Variants in ARSG observed in about 807,000 individuals in gnomAD.
The protein encoded by ARSG is ASG.
ARSG carries 37 observed loss-of-function variants against 50.5 expected under a neutral mutation model. That is an observed-to-expected ratio of 0.73 (90% CI 0.56 to 0.96). The LOEUF (loss-of-function observed/expected upper bound fraction) is 0.96. ARSG is among the 50% of genes least tolerant of loss of function. The pLI, the probability that ARSG is intolerant of heterozygous loss-of-function variation, is 0.00. For missense variants in ARSG, 629 were observed against 675.3 expected, an observed-to-expected ratio of 0.93 and a Z score of 0.76; for synonymous variants, 225 against 254.6, an observed-to-expected ratio of 0.88 and a Z score of 1.11.
rs36155626 is a variant in ARSG, at chr17:68,282,779, T to TAAAAAAAAAAAAAAA, written c.-552+23360_-552+23374dup. Among the ~76,000 whole-genome samples the TAAAAAAAAAAAAAAA allele has an allele frequency of 1.7e-4, 9 of 53,404 alleles. 2 individuals carry two copies. The highest frequency in any genetic ancestry group is 2.4e-4 in the Admixed American group (1 of 4,226). The allele number at this position is 53,404 out of a possible 152,430, so 35.0% of individuals were successfully genotyped here. On this transcript the variant is annotated intron_variant, in intron 1 of 11. Coordinates refer to the ARSG transcript ENST00000448504. ...CAACATAGTGAAACCCCATCTCTAC[T>TAAAAAAAAAAAAAAA]AAAAAAAAAAAAAAAAAAAAAGGCC...
chr17:68,315,925 C>G (rs2077053012), intron 2 of ARSG, among the ~76,000 whole-genome samples: 1 of 152,048 alleles, frequency 6.6e-6, no homozygotes, highest in South Asian at 2.1e-4. Flanking sequence ...TGGGTGGCAC[C>G]CAGGCAGAAA....
intron 5 of ARSG, among the ~76,000 whole-genome samples, chr17:68,354,712 G>A (rs2078957013): frequency 6.6e-6 from 1 of 151,828 alleles, no homozygotes; most frequent in South Asian, 2.1e-4. Flanking sequence ...GGTGAAACCC[G>A]TTCTTTACAA....
chr17:68,430,522 T>C, the ARSG span, among the ~76,000 whole-genome samples: 5 of 152,116 alleles, frequency 3.3e-5, no homozygotes, highest in African/African-American at 1.2e-4. Flanking sequence ...TAAATAAGCT[T>C]GGGACTGTGC....
intron 1 of ARSG, among the ~76,000 whole-genome samples, chr17:68,261,489 C>T (rs1430471642): frequency 6.6e-6 from 1 of 152,144 alleles, no homozygotes; most frequent in Non-Finnish European, 1.5e-5. Context: ...AAGTGGTCCT[C>T]CCGCCTCAGC....
chr17:68,339,739 C>T lies in ARSG; in HGVS notation c.219-3865C>T, dbSNP rs186296632. On this transcript the variant is annotated intron_variant, in intron 2 of 11. Coordinates refer to ENST00000621439, the MANE Select transcript of ARSG (RefSeq NM_001267727.2). ...GAGGTTTGATTAGATTCAGGGTAAA[C>T]GCTTTTGGCAAGAATCCTTGATTTT... Among the ~76,000 whole-genome samples the T allele has an allele frequency of 9.2e-5, 14 of 152,250 alleles. No individual in the cohort carries two copies. In the South Asian group the frequency reaches 1.0e-3, roughly 11 times the overall value.
chr17:68,443,229 A>G, the ARSG span, among the ~76,000 whole-genome samples: 63 of 150,518 alleles, frequency 4.2e-4, no homozygotes, highest in African/African-American at 1.5e-3. Context: ...TCCTGTCTCA[A>G]CCTCCCAAGT....
intron 2 of ARSG, among the ~76,000 whole-genome samples, chr17:68,337,081 G>A (rs2078055924): frequency 6.6e-6 from 1 of 152,106 alleles, no homozygotes; most frequent in African/African-American, 2.4e-5. Context: ...ATGAGCGGGA[G>A]TGAAGCGTCT....
At chr17:68,451,075 G>A in the ARSG span, among the ~76,000 whole-genome samples, 1 of 152,200 alleles carries the variant, frequency 6.6e-6, no homozygotes, top group Non-Finnish European at 1.5e-5. Context: ...ACCCTGCCAG[G>A]TGGCTTTTTA....
intron 9 of ARSG, among the ~76,000 whole-genome samples, chr17:68,386,962 C>T (rs921139742): frequency 6.6e-6 from 1 of 151,888 alleles, no homozygotes; most frequent in African/African-American, 2.4e-5. Context: ...ACCAACACAC[C>T]GTATCGGTAC....
intron 1 of ARSG, among the ~76,000 whole-genome samples, chr17:68,301,737 C>A (rs1555761976): frequency 6.6e-6 from 1 of 152,158 alleles, no homozygotes. Context: ...TGACTCTAAT[C>A]CCTGCCCTTC....
At chr17:68,451,737 GCTGTGCTCC>G in the ARSG span, among the ~76,000 whole-genome samples, 1 of 152,092 alleles carries the variant, frequency 6.6e-6, no homozygotes, top group African/African-American at 2.4e-5. Flanking sequence ...CCCCTATCTT[GCTGTGCTCC>G]CTGGATCTCT....
Position 68,420,367 on chromosome 17 carries a change from C to T in ARSG, c.1482C>T (p.Ala494=), listed in dbSNP as rs147255025. ...KVLADVLQDI[A]NDNISSADYT... Reference sequence around the variant, plus strand: ...TTGCAGACGTCCTCCAAGACATTGCCAACGACAACATCTCCAGCGCAGATT... The same window carrying T: ...TTGCAGACGTCCTCCAAGACATTGCTAACGACAACATCTCCAGCGCAGATT... Residue 494 remains alanine (A), a synonymous_variant, in exon 12 of 12, where the codon GCC becomes GCT. Transcript: ENST00000621439. The T allele has an allele frequency of 3.2e-5, 51 of 1,614,038 alleles. No individual in the cohort carries two copies. In the African/African-American group the frequency reaches 5.7e-4, roughly 18 times the overall value.
chr17:68,384,940 A>T (rs1235081410), intron 8 of ARSG, 124 bp from the exon 9 acceptor site: 1 of 705,254 alleles, frequency 1.4e-6, no homozygotes, highest in South Asian at 1.8e-5. Context: ...TTACCAAAAA[A>T]GTCATTCCTT....
intron 6 of ARSG, among the ~76,000 whole-genome samples, chr17:68,365,163 A>T (rs1210743859): frequency 6.6e-6 from 1 of 152,180 alleles, no homozygotes; most frequent in Non-Finnish European, 1.5e-5. Context: ...TACAAAAATT[A>T]GCCAGGTGTG....
intron 4 of ARSG, among the ~76,000 whole-genome samples, chr17:68,351,326 C>T (rs1231313172): frequency 3.3e-5 from 5 of 152,050 alleles, no homozygotes; most frequent in African/African-American, 4.8e-5. Context: ...TAATTCTCTC[C>T]ACTTCCTCCC....
At chr17:68,265,461 T>C (rs1195540581) in intron 1 of ARSG, among the ~76,000 whole-genome samples, 8 of 152,336 alleles carry the variant, frequency 5.3e-5, no homozygotes, top group African/African-American at 1.9e-4. Flanking sequence ...GCCACTGCAC[T>C]CCAGTCTGGG....
At chr17:68,347,781 A>G (rs1474322714) in intron 4 of ARSG, among the ~76,000 whole-genome samples, 1 of 152,296 alleles carries the variant, frequency 6.6e-6, no homozygotes, top group South Asian at 2.1e-4. Context: ...GAAGCCGTGG[A>G]CTTTCTCTTA....
chr17:68,430,131 C>T, the ARSG span: 2 of 1,613,962 alleles, frequency 1.2e-6, no homozygotes, highest in Non-Finnish European at 1.7e-6. Flanking sequence ...TCCCATGTAG[C>T]CACTCCAGGT....
chr17:68,310,005 C>T (rs1425851923), intron 2 of ARSG, among the ~76,000 whole-genome samples: 2 of 151,012 alleles, frequency 1.3e-5, no homozygotes, highest in Non-Finnish European at 2.9e-5. Flanking sequence ...TGGAGTTCCG[C>T]TCTTGTTGCC....
Sources: gnomAD v4.1 joint callset for allele counts (sites outside exome capture counted in the v4.1 genomes callset) on GRCh38, gnomAD v4.1.1 for gene constraint, MANE v1.5 for transcripts, NCBI Gene and HGNC (gene_info 2026-07-23, HGNC 2026-07-21) for gene names.